The following TRIP12 variants were observed in gnomAD, a reference collection of about 807,000 sequenced individuals.
The protein encoded by TRIP12 is thyroid hormone receptor interactor 12.
TRIP12 carries 25 observed loss-of-function variants against 244.2 expected under a neutral mutation model. The ratio of observed to expected loss-of-function variants is 0.10; its 90% CI spans 0.07 to 0.14. The LOEUF is 0.14. Ranked by LOEUF, TRIP12 falls within the 10% of genes least tolerant of loss-of-function variation. The pLI is 1.00. For synonymous variants in TRIP12, 905 were observed against 873.1 expected (o/e 1.04, Z -0.64); for missense variants, 1,677 against 2,486.4 (o/e 0.67, Z 6.92).
chr2:229,903,018 C>CTTTTTTTTTTTTTTTTTT lies in TRIP12; in HGVS notation c.-50+18844_-50+18861dup, dbSNP rs57794819. On this transcript the variant is annotated intron_variant, in intron 1 of 41. Transcript: ENST00000675903. ...GGTTTTTTTTTCTTTTTCTTTTTTT[C>CTTTTTTTTTTTTTTTTTT]TTTTTTTTTTTTTTTTTTGCCAGAA... Among the ~76,000 whole-genome samples, 61 of 104,818 alleles carry CTTTTTTTTTTTTTTTTTT rather than the reference C, an allele frequency of 5.8e-4. 2 individuals are homozygous for CTTTTTTTTTTTTTTTTTT. The highest frequency in any genetic ancestry group is 0.014 in the Middle Eastern group (2 of 138). The allele number at this position is 104,818 out of a possible 152,430, so 68.8% of individuals were successfully genotyped here. A position where few individuals can be genotyped will look rare whatever the true frequency, so the allele number is the denominator to read the frequency against.
At chr2:229,783,974 G>C (rs1408818764) in intron 34 of TRIP12, among the ~76,000 whole-genome samples, 1 of 151,932 alleles carries the variant, frequency 6.6e-6, no homozygotes, top group Non-Finnish European at 1.5e-5. Context: ...GCTGGGCGTG[G>C]TGGCGCATGC....
chr2:229,798,350 C>T (rs1378454798), intron 23 of TRIP12, among the ~76,000 whole-genome samples: 1 of 151,960 alleles, frequency 6.6e-6, no homozygotes, highest in Non-Finnish European at 1.5e-5. Context: ...CCAAAGAGAG[C>T]ATGTTTATTT....
chr2:229,796,770 C>A lies in TRIP12; in HGVS notation c.3637G>T (p.Ala1213Ser), dbSNP rs753484319. The change falls in exon 25 of 42, where the codon GCT (alanine) becomes TCT (serine). Residue 1213 changes from alanine (A) to serine (S), a missense_variant. Coordinates refer to ENST00000675903, the MANE Select transcript of TRIP12 (RefSeq NM_001348323.3). Reference protein sequence around the residue: ...EQLNLQVDGGAECLVEIRSIV... With the variant: ...EQLNLQVDGGSECLVEIRSIV... ...CTACGGATTTCTACAAGGCACTCAGCTCCACCATCCACCTGAAAGAGTTAG... is the reference window on the plus strand; with the variant it reads ...CTACGGATTTCTACAAGGCACTCAGATCCACCATCCACCTGAAAGAGTTAG... 3.2e-6 allele frequency: 5 copies of A among 1,580,036 alleles called. No homozygotes were observed. In the Admixed American group the frequency reaches 5.9e-5, roughly 19 times the overall value.
intron 34 of TRIP12, among the ~76,000 whole-genome samples, chr2:229,781,341 T>C (rs1311056035): frequency 1.3e-5 from 2 of 152,222 alleles, no homozygotes; most frequent in African/African-American, 4.8e-5. Context: ...ATGGAATCTT[T>C]TTCTCTCAAA....
intron 13 of TRIP12, 112 bp downstream of exon 13, chr2:229,813,758 T>C: frequency 1.3e-6 from 1 of 770,062 alleles, no homozygotes; most frequent in Non-Finnish European, 1.7e-6. Flanking sequence ...CACTCTAGCC[T>C]GGGTAACAGA....
Position 229,830,741 on chromosome 2 carries a change from A to C in TRIP12, c.1354+15T>G. ...CATGGTAATGGTTTCTTATAGGCTCAATAACTGTTTTTACCTTGCAAACGT... is the reference window on the plus strand; with the variant it reads ...CATGGTAATGGTTTCTTATAGGCTCCATAACTGTTTTTACCTTGCAAACGT... On this transcript the variant is annotated intron_variant, in intron 7 of 41. Coordinates refer to ENST00000675903, the MANE Select transcript of TRIP12 (RefSeq NM_001348323.3). The C allele has an allele frequency of 1.9e-6, 3 of 1,611,022 alleles. No individual in the cohort carries two copies. The highest frequency in any genetic ancestry group is 2.5e-6 in the Non-Finnish European group (3 of 1,177,284).
intron 1 of TRIP12, among the ~76,000 whole-genome samples, chr2:229,890,406 G>C (rs556413081): frequency 6.6e-6 from 1 of 152,060 alleles, no homozygotes; most frequent in Non-Finnish European, 1.5e-5. Flanking sequence ...AGCCTACAGA[G>C]GTTAACTCTT....
intron 4 of TRIP12, among the ~76,000 whole-genome samples, chr2:229,848,326 G>GC (rs1241261184): frequency 2.3e-3 from 75 of 32,312 alleles, no homozygotes; most frequent in Admixed American, 5.9e-3. Context: ...GGCCCCCCCC[G>GC]CCCCCCCCAC....
chr2:229,837,015 A>G, intron 5 of TRIP12, 31 bp from the exon 6 acceptor site: 2 of 1,490,556 alleles, frequency 1.3e-6, no homozygotes, highest in Non-Finnish European at 1.8e-6. Flanking sequence ...CATGGGCAGC[A>G]TTACCAGTGA....
rs1415780239 is a variant in TRIP12 at position 229,860,410 on chromosome 2, T to TAAA, written c.219_220insTTT (p.Ser73_Lys74insPhe). On this transcript the variant is annotated inframe_insertion, in exon 3 of 42. Transcript: ENST00000675903. Reference sequence around the variant, plus strand: ...ATAAGCAACATGAAGATTTACCTTTTAGAAAGGTGTCCCCTTGACAGTTCA... The same window carrying TAAA: ...ATAAGCAACATGAAGATTTACCTTTTAAAAGAAAGGTGTCCCCTTGACAGTTCA... The TAAA allele has an allele frequency of 1.9e-6, 3 of 1,592,714 alleles. No individual in the cohort carries two copies. The South Asian group carries it at 3.5e-5, about 18-fold the overall frequency.
chr2:229,807,909 T>C (rs766629186), intron 16 of TRIP12, 45 bp from the exon 17 acceptor site: 9 of 1,545,604 alleles, frequency 5.8e-6, no homozygotes, highest in Admixed American at 3.8e-5. Flanking sequence ...TATGAAATAT[T>C]AGTAAACGTT....
At chr2:229,845,992 G>A (rs2057491225) in intron 4 of TRIP12, among the ~76,000 whole-genome samples, 1 of 136,452 alleles carries the variant, frequency 7.3e-6, no homozygotes, top group Non-Finnish European at 1.5e-5. Context: ...CTGGGTGACA[G>A]ATCGAGAGCC....
At chr2:229,836,797 A>T (rs2054942500) in intron 6 of TRIP12, 51 bp downstream of exon 6, 2 of 1,554,926 alleles carry the variant, frequency 1.3e-6, no homozygotes, top group Non-Finnish European at 1.7e-6. Flanking sequence ...TCTGCCCATC[A>T]AATCTGTAAA....
At chr2:229,805,961 A>G in intron 17 of TRIP12, 78 bp from the exon 18 acceptor site, 1 of 1,166,300 alleles carries the variant, frequency 8.6e-7, no homozygotes. Flanking sequence ...GGACCCTCCA[A>G]ATATGCTATC....
intron 6 of TRIP12, 159 bp from the exon 7 acceptor site, chr2:229,830,998 T>C (rs2053196710): frequency 1.5e-6 from 1 of 686,990 alleles, no homozygotes; most frequent in African/African-American, 1.8e-5. Flanking sequence ...GACTTTATCC[T>C]GTAGCTTTTA....
chr2:229,803,391 G>C (rs1224295650), intron 20 of TRIP12, among the ~76,000 whole-genome samples, 180 bp downstream of exon 20: 2 of 152,216 alleles, frequency 1.3e-5, no homozygotes, highest in Non-Finnish European at 1.5e-5. Flanking sequence ...TGGGGTTACA[G>C]GCGTGAGCCA....
At chr2:229,837,935 C>T (rs899574871) in intron 5 of TRIP12, among the ~76,000 whole-genome samples, 2 of 152,092 alleles carry the variant, frequency 1.3e-5, no homozygotes, top group East Asian at 1.9e-4. Flanking sequence ...CCTTCAACAG[C>T]GAAATCAGTA....
chr2:229,856,977 T>A (rs1264570828), intron 4 of TRIP12, among the ~76,000 whole-genome samples: 1 of 152,220 alleles, frequency 6.6e-6, no homozygotes, highest in African/African-American at 2.4e-5. Context: ...ACATAAAATT[T>A]TTTATATAGT....
At chr2:229,867,846 T>C (rs940142664) in intron 2 of TRIP12, among the ~76,000 whole-genome samples, 3 of 152,206 alleles carry the variant, frequency 2.0e-5, no homozygotes, top group African/African-American at 4.8e-5. Flanking sequence ...AAATAAAGCA[T>C]AGTGCAAAGG....
Sources: gnomAD v4.1 joint callset for allele counts (sites outside exome capture counted in the v4.1 genomes callset) on GRCh38, gnomAD v4.1.1 for gene constraint, MANE v1.5 for transcripts, NCBI Gene and HGNC (gene_info 2026-07-23, HGNC 2026-07-21) for gene names.